NETO1: variants seen among roughly 807,000 people sequenced by gnomAD.
NETO1 encodes neuropilin and tolloid like 1.
NETO1 carries 26 observed loss-of-function variants against 61.3 expected under a neutral mutation model. The observed-to-expected ratio is 0.42, with a 90% CI of 0.31 to 0.59. The LOEUF (loss-of-function observed/expected upper bound fraction) is 0.59, where lower values mean the gene tolerates loss of function less well. Among genes scored for constraint, NETO1 ranks in the 20% least tolerant of loss-of-function variants. NETO1 has a pLI of 0.12. For missense variants in NETO1, 531 were observed against 662.8 expected, an observed-to-expected ratio of 0.80 and a Z score of 2.18; for synonymous variants, 225 against 225.8, an observed-to-expected ratio of 1.00 and a Z score of 0.03.
chr18:72,830,457 G>A lies in NETO1; in HGVS notation c.469+28369C>T, dbSNP rs2073539324. On this transcript the variant is annotated intron_variant, in intron 4 of 10. Transcript: ENST00000327305. The surrounding 1 kb of genome is among the most constrained non-coding windows in gnomAD (Gnocchi z 4.9). ...TTGCTGGGCGGTGAAAGGGACCAGG[G>A]CATCTAAACAAGGAGTCCAAAAAAC... Among the ~76,000 whole-genome samples, 1 of 152,134 alleles carries A rather than the reference G, an allele frequency of 6.6e-6. No individual in the cohort carries two copies. The highest frequency in any genetic ancestry group is 2.4e-5 in the African/African-American group (1 of 41,428).
chr18:72,803,795 TG>T (rs1172449500), intron 4 of NETO1, among the ~76,000 whole-genome samples: 2 of 150,028 alleles, frequency 1.3e-5, no homozygotes, highest in Non-Finnish European at 3.0e-5. Context: ...CACTCCAGCC[TG>T]GGCAACAAGA....
chr18:72,821,580 A>G, intron 4 of NETO1, among the ~76,000 whole-genome samples: 1 of 146,202 alleles, frequency 6.8e-6, no homozygotes, highest in Non-Finnish European at 1.5e-5. Flanking sequence ...AAAAAAAAGG[A>G]ATCCTCTCCA....
chr18:72,834,575 A>G (rs2073683229), intron 4 of NETO1: 4 of 979,928 alleles, frequency 4.1e-6, no homozygotes, highest in Non-Finnish European at 4.8e-6. Flanking sequence ...AATCTATTTC[A>G]CAACACTATT....
At chr18:72,831,006 GTC>G (rs1290739491) in intron 4 of NETO1, among the ~76,000 whole-genome samples, 1 of 152,014 alleles carries the variant, frequency 6.6e-6, no homozygotes, top group Non-Finnish European at 1.5e-5. Context: ...AACAGAATAT[GTC>G]TCTTCCTCTT....
intron 4 of NETO1, chr18:72,835,312 C>CT (rs1289921538): frequency 6.3e-7 from 1 of 1,596,014 alleles, no homozygotes; most frequent in Non-Finnish European, 8.6e-7. Flanking sequence ...AGGAGTTTGC[C>CT]TTTTATTCTG....
intron 6 of NETO1, among the ~76,000 whole-genome samples, chr18:72,790,955 T>C (rs2072095008): frequency 6.6e-6 from 1 of 152,084 alleles, no homozygotes; most frequent in African/African-American, 2.4e-5. Flanking sequence ...GTGGCTGTTT[T>C]CCAGACCAGA....
intron 7 of NETO1, among the ~76,000 whole-genome samples, chr18:72,775,501 A>G (rs2071516848): frequency 6.6e-6 from 1 of 152,190 alleles, no homozygotes. Flanking sequence ...TTGTCTTAAT[A>G]CTTGAGAGCC....
intron 4 of NETO1, among the ~76,000 whole-genome samples, chr18:72,803,129 G>C (rs184475769): frequency 6.6e-6 from 1 of 152,112 alleles, no homozygotes; most frequent in Non-Finnish European, 1.5e-5. Context: ...AAAAACAACC[G>C]ACAATATTTG....
In NETO1 at chr18:72,865,679, G is replaced by GA; in HGVS notation, c.29-439dup. ...TGAGAACAGCTCCATGACTGTTCCT[G>GA]ACATACTGCAGTGTGGCTGTATTTT... On this transcript the variant is annotated intron_variant, in intron 1 of 10. Coordinates refer to ENST00000327305, the MANE Select transcript of NETO1 (RefSeq NM_138966.5). 17 of 1,562,192 alleles carry GA rather than the reference G, an allele frequency of 1.1e-5. No homozygotes were observed. In the Admixed American group the frequency reaches 1.3e-4, roughly 12 times the overall value.
intron 4 of NETO1, among the ~76,000 whole-genome samples, chr18:72,804,373 A>T (rs1056295666): frequency 6.6e-6 from 1 of 152,214 alleles, no homozygotes; most frequent in Non-Finnish European, 1.5e-5. Flanking sequence ...TCATAATCCA[A>T]TGAAATTTCA....
chr18:72,811,796 C>A (rs1221623462), intron 4 of NETO1, among the ~76,000 whole-genome samples: 2 of 152,056 alleles, frequency 1.3e-5, no homozygotes, highest in African/African-American at 4.8e-5. Context: ...CAGAGTGAGA[C>A]CCTGTCTGAA....
intron 4 of NETO1, chr18:72,834,710 T>G: frequency 6.1e-6 from 6 of 985,094 alleles, no homozygotes; most frequent in Non-Finnish European, 7.2e-6. Flanking sequence ...AATAATACGC[T>G]CTCTTCAGCT....
rs190237042 is a variant in NETO1, at chr18:72,785,732, C to G, written c.640-1826G>C. Among the ~76,000 whole-genome samples the G allele has an allele frequency of 2.0e-4, 31 of 152,246 alleles. 1 individual carries two copies. Among genetic ancestry groups the G allele is most frequent in the Middle Eastern group, 3.4e-3 (1 of 294 alleles). ...AAACATCAACTAGCAAATTTACATCCTTCTTATCTCCCAACATTATAACCA... is the reference window on the plus strand; with the variant it reads ...AAACATCAACTAGCAAATTTACATCGTTCTTATCTCCCAACATTATAACCA... On this transcript the variant is annotated intron_variant, in intron 6 of 10. Transcript: ENST00000327305.
intron 4 of NETO1, among the ~76,000 whole-genome samples, chr18:72,845,793 A>C (rs974234621): frequency 1.3e-5 from 2 of 152,258 alleles, no homozygotes; most frequent in Admixed American, 6.5e-5. Flanking sequence ...GAGATATTGC[A>C]AACAACAGAG....
intron 3 of NETO1, among the ~76,000 whole-genome samples, chr18:72,862,716 G>A (rs2145678983): frequency 6.6e-6 from 1 of 151,394 alleles, no homozygotes; most frequent in East Asian, 2.0e-4. Context: ...CGCCTCCCGG[G>A]TTCACGCCAT....
At chr18:72,788,092 T>A (rs1416481372) in intron 6 of NETO1, among the ~76,000 whole-genome samples, 1 of 152,186 alleles carries the variant, frequency 6.6e-6, no homozygotes, top group Non-Finnish European at 1.5e-5. Context: ...GGCCCTATAT[T>A]TTTTTCATTT....
chr18:72,804,093 G>A (rs2072596851), intron 4 of NETO1, among the ~76,000 whole-genome samples: 1 of 151,346 alleles, frequency 6.6e-6, no homozygotes, highest in African/African-American at 2.4e-5. Flanking sequence ...CACATTATTG[G>A]TTTATTGGTA....
At chr18:72,811,487 G>T (rs1258835430) in intron 4 of NETO1, among the ~76,000 whole-genome samples, 1 of 152,142 alleles carries the variant, frequency 6.6e-6, no homozygotes, top group Non-Finnish European at 1.5e-5. Context: ...CAAATTAAAT[G>T]ATTAAAAATT....
intron 7 of NETO1, 133 bp from the exon 8 acceptor site, chr18:72,756,280 G>A (rs563107718): frequency 5.5e-6 from 3 of 544,000 alleles, no homozygotes; most frequent in Non-Finnish European, 1.0e-5. Context: ...TCTGCCGTGC[G>A]ATTTTCAGAA....
Sources: allele counts gnomAD v4.1 joint callset (sites outside exome capture counted in the v4.1 genomes callset), GRCh38; gene constraint gnomAD v4.1.1; non-coding constraint Gnocchi (gnomAD v3.1); transcripts MANE v1.5; gene names NCBI Gene and HGNC (gene_info 2026-07-23, HGNC 2026-07-21).